Variants in PIK3R5 observed in about 807,000 individuals in gnomAD.
PIK3R5 encodes phosphoinositide 3-kinase regulatory subunit 5.
Under a neutral mutation model 94.9 loss-of-function variants are expected in PIK3R5, and 32 were observed. That is an observed-to-expected ratio of 0.34 (90% confidence interval 0.25 to 0.45). PIK3R5 has a LOEUF of 0.45. Ranked by LOEUF, PIK3R5 falls within the 20% of genes least tolerant of loss-of-function variation. The probability of loss-of-function intolerance (pLI) is 1.00; values close to 1 mark genes in which losing one functional copy is unlikely to be tolerated. For synonymous variants in PIK3R5, 443 were observed against 479.4 expected (o/e 0.92, Z 0.99); for missense variants, 853 against 1,144.6 (o/e 0.75, Z 3.68).
rs3138608 is a variant in PIK3R5, at chr17:8,908,530, A to AACACACACACACAC, written c.204+530_204+543dup. On this transcript the variant is annotated intron_variant, in intron 3 of 18. Transcript: ENST00000447110. ...AATCACATGTATTTAAAATAATTAA[A>AACACACACACACAC]ACACACACACACACACACACACACA... Among the ~76,000 whole-genome samples the AACACACACACACAC allele has an allele frequency of 9.3e-4, 127 of 136,678 alleles. 1 individual carries two copies. The highest frequency in any genetic ancestry group is 2.5e-3 in the African/African-American group (89 of 35,988). 89.7% of individuals were successfully genotyped at this position (136,678 alleles called of 152,430 possible).
At chr17:8,944,100 T>A (rs1351183953) in intron 1 of PIK3R5, among the ~76,000 whole-genome samples, 1 of 152,168 alleles carries the variant, frequency 6.6e-6, no homozygotes, top group Non-Finnish European at 1.5e-5. Context: ...TGTCCATGAG[T>A]TCTCATCATT....
Position 8,888,517 on chromosome 17 carries a change from T to G in PIK3R5, c.1270A>C (p.Ile424Leu). Reference sequence around the variant, plus strand: ...CTGGTGCTCTTGAAGAGTTTATAGATCCTGATGAACTTCTGCCCAGGCCTG... The same window carrying G: ...CTGGTGCTCTTGAAGAGTTTATAGAGCCTGATGAACTTCTGCCCAGGCCTG... Reference protein sequence around the residue: ...HRRPGQKFIRIYKLFKSTSQL... With the variant: ...HRRPGQKFIRLYKLFKSTSQL... Residue 424 changes from isoleucine to leucine, a missense_variant, in exon 10 of 19, where the codon ATC (isoleucine) becomes CTC (leucine). Ile to Leu is a conservative substitution (Grantham distance 5). This residue lies in a region of PIK3R5 where 319 missense variants were observed against 339.8 expected (regional missense o/e 0.94). Coordinates refer to ENST00000447110, the MANE Select transcript of PIK3R5 (RefSeq NM_001142633.3). The surrounding 1 kb of genome is among the most constrained non-coding windows in gnomAD (Gnocchi z 7.8). 1 of 1,611,054 alleles carries G rather than the reference T, an allele frequency of 6.2e-7. No homozygotes were observed.
At chr17:8,913,166 T>TG (rs1297083018) in intron 1 of PIK3R5, among the ~76,000 whole-genome samples, 1 of 151,934 alleles carries the variant, frequency 6.6e-6, no homozygotes, top group Non-Finnish European at 1.5e-5. Context: ...TCCAGGGTGT[T>TG]GGGGGGTCAG....
chr17:8,881,797 C>T lies in PIK3R5; in HGVS notation c.2290G>A (p.Glu764Lys). 1 of 1,614,166 alleles carries T rather than the reference C, an allele frequency of 6.2e-7. No individual in the cohort carries two copies. Among genetic ancestry groups the T allele is most frequent in the Non-Finnish European group, 8.5e-7 (1 of 1,180,002 alleles). Residue 764 changes from glutamate (E) to lysine (K), a missense_variant, in exon 16 of 19, where the codon GAG becomes AAG. Coordinates refer to ENST00000447110, the MANE Select transcript of PIK3R5 (RefSeq NM_001142633.3). This position sits in a 1 kb window ranked among gnomAD's most constrained non-coding sequence, Gnocchi z 4.8. Reference sequence around the variant, plus strand: ...TGACCACCCCACTCACCCAGCTCCTCCTGCTTCCGGCAGGCCTTGTTGAGG... The same window carrying T: ...TGACCACCCCACTCACCCAGCTCCTTCTGCTTCCGGCAGGCCTTGTTGAGG... ...VNLNKACRKQ[E>K]ELDSSMEALT... is the part of the protein sequence containing the mutation.
At chr17:8,926,517 G>A (rs1221783819) in intron 1 of PIK3R5, among the ~76,000 whole-genome samples, 2 of 152,186 alleles carry the variant, frequency 1.3e-5, no homozygotes, top group East Asian at 3.8e-4. Context: ...GGAGGCCTCA[G>A]AATCATAGCA....
rs1187774531 is a variant in PIK3R5, at chr17:8,956,480, T to C, written c.-14+9116A>G. 3.3e-5 allele frequency among the ~76,000 whole-genome samples: 5 copies of C among 152,180 alleles called. No individual in the cohort carries two copies. The East Asian group carries it at 7.7e-4, about 23-fold the overall frequency. ...AGAGCAGGCTTTGAAAACTCCCAGGTGGTCAGAATCATAGAGTCCAGTTGG... is the reference window on the plus strand; with the variant it reads ...AGAGCAGGCTTTGAAAACTCCCAGGCGGTCAGAATCATAGAGTCCAGTTGG... On this transcript the variant is annotated intron_variant, in intron 1 of 18. Coordinates refer to ENST00000447110, the MANE Select transcript of PIK3R5 (RefSeq NM_001142633.3).
intron 11 of PIK3R5, 41 bp downstream of exon 11, chr17:8,887,480 A>T (rs767487513): frequency 1.3e-6 from 2 of 1,566,104 alleles, no homozygotes; most frequent in Non-Finnish European, 1.7e-6. Context: ...GGTAGCCAGA[A>T]CTCTACTTTC....
chr17:8,924,813 C>G (rs1307044535), intron 1 of PIK3R5, among the ~76,000 whole-genome samples: 1 of 152,188 alleles, frequency 6.6e-6, no homozygotes, highest in Admixed American at 6.5e-5. Flanking sequence ...GAACTGAAAT[C>G]AGACACTCCT....
chr17:8,931,289 A>G (rs1479908734), intron 1 of PIK3R5, among the ~76,000 whole-genome samples: 1 of 152,208 alleles, frequency 6.6e-6, no homozygotes, highest in Non-Finnish European at 1.5e-5. Context: ...AAGAGGTGAT[A>G]TTCGAGAGTC....
intron 1 of PIK3R5, among the ~76,000 whole-genome samples, chr17:8,915,478 A>G (rs992023853): frequency 2.6e-5 from 4 of 151,848 alleles, no homozygotes; most frequent in Admixed American, 1.3e-4. Flanking sequence ...CACCACATCT[A>G]TCTACACCAG....
intron 1 of PIK3R5, among the ~76,000 whole-genome samples, chr17:8,937,613 G>A (rs187930185): frequency 2.0e-5 from 3 of 152,060 alleles, no homozygotes; most frequent in Non-Finnish European, 4.4e-5. Flanking sequence ...TTCTTTTCGT[G>A]TATCGTTGGA....
Position 8,911,451 on chromosome 17 carries a change from T to C in PIK3R5, c.44A>G (p.His15Arg). ...ATTCTEDRIQHALERCLHGLS... is the reference protein window; with the variant it reads ...ATTCTEDRIQRALERCLHGLS... ...TCCATGCAGGCAGCGTTCCAGGGCA[T>C]GCTGGATGCGGTCCTCCGTGCATGT... Residue 15 changes from histidine (H) to arginine (R), a missense_variant, in exon 2 of 19, where the codon CAT (histidine) becomes CGT (arginine). His to Arg is a conservative substitution (Grantham distance 29). Transcript: ENST00000447110. The surrounding 1 kb of genome is among the most constrained non-coding windows in gnomAD (Gnocchi z 5.3). The C allele has an allele frequency of 1.2e-6, 2 of 1,600,020 alleles. No individual in the cohort carries two copies. Among genetic ancestry groups the C allele is most frequent in the Non-Finnish European group, 1.7e-6 (2 of 1,179,930 alleles).
At chr17:8,900,803 T>C (rs2090263500) in intron 5 of PIK3R5, among the ~76,000 whole-genome samples, 1 of 152,110 alleles carries the variant, frequency 6.6e-6, no homozygotes, top group Admixed American at 6.6e-5. Flanking sequence ...ACGGAGTTTC[T>C]ACCCAGCCGC....
chr17:8,925,920 A>G lies in PIK3R5; in HGVS notation c.-13-14413T>C, dbSNP rs1191594317. ...CGAGTTCTATCCCCTTCAGACCCCA[A>G]TGGAGAGGTCTGGGCTACAGCTCTC... On this transcript the variant is annotated intron_variant, in intron 1 of 18. Transcript: ENST00000447110. This position sits in a 1 kb window ranked among gnomAD's most constrained non-coding sequence, Gnocchi z 5.1. 2.6e-5 allele frequency among the ~76,000 whole-genome samples: 4 copies of G among 152,206 alleles called. No homozygotes were observed. Among genetic ancestry groups the G allele is most frequent in the South Asian group, 2.1e-4 (1 of 4,832 alleles).
intron 12 of PIK3R5, among the ~76,000 whole-genome samples, 197 bp downstream of exon 12, chr17:8,886,899 A>G (rs1372832644): frequency 6.6e-6 from 1 of 152,172 alleles, no homozygotes; most frequent in Non-Finnish European, 1.5e-5. Context: ...CCATCACTGC[A>G]GTGACCCCAG....
At position 8,911,265 on chromosome 17, in the gene PIK3R5, C is replaced by G. The variant is rs2090518353; in HGVS notation, c.103+127G>C. On this transcript the variant is annotated intron_variant, in intron 2 of 18. Coordinates refer to ENST00000447110, the MANE Select transcript of PIK3R5 (RefSeq NM_001142633.3). The surrounding 1 kb of genome is among the most constrained non-coding windows in gnomAD (Gnocchi z 5.3). ...GCACCTGCCCAGGAGAAGGCTGAGG[C>G]TTGCCCAAGTCACACAGACAGGGTT... is the stretch of plus-strand genomic sequence containing the variant. 4.2e-6 allele frequency: 3 copies of G among 715,088 alleles called. No individual in the cohort carries two copies. The highest frequency in any genetic ancestry group is 4.8e-6 in the Non-Finnish European group (2 of 416,346). 44.3% of individuals were successfully genotyped at this position (715,088 alleles called of 1,614,324 possible).
Position 8,888,476 on chromosome 17 carries a change from C to T in PIK3R5, c.1311G>A (p.Arg437=), listed in dbSNP as rs144116430. ...TGCCCTCCAGGCTCCGAGAGTCCCT[C>T]CGCAGTACCAGCTGGCTGGTGCTCT... ...LFKSTSQLVL[R]RDSRSLEGSS... Residue 437 remains arginine, a synonymous_variant, in exon 10 of 19, where the codon CGG becomes CGA. Coordinates refer to ENST00000447110, the MANE Select transcript of PIK3R5 (RefSeq NM_001142633.3). This position sits in a 1 kb window ranked among gnomAD's most constrained non-coding sequence, Gnocchi z 7.8. The T allele has an allele frequency of 6.2e-7, 1 of 1,603,776 alleles. No individual in the cohort carries two copies. Among genetic ancestry groups the T allele is most frequent in the Non-Finnish European group, 8.5e-7 (1 of 1,176,044 alleles).
rs912760403 is a variant in PIK3R5 at position 8,881,408 on chromosome 17, G to A, written c.2382+222C>T. On this transcript the variant is annotated intron_variant, in intron 17 of 18. Coordinates refer to ENST00000447110, the MANE Select transcript of PIK3R5 (RefSeq NM_001142633.3). This position sits in a 1 kb window ranked among gnomAD's most constrained non-coding sequence, Gnocchi z 4.8. ...GGCACCCCTACCTCCCCGACACCCC[G>A]CAACACTCCACACCTGTGTGCATCC... Among the ~76,000 whole-genome samples, 8 of 150,166 alleles carry A rather than the reference G, an allele frequency of 5.3e-5. No homozygotes were observed. The highest frequency in any genetic ancestry group is 1.3e-4 in the Admixed American group (2 of 15,104).
intron 1 of PIK3R5, among the ~76,000 whole-genome samples, chr17:8,957,706 G>T (rs888766266): frequency 3.3e-5 from 5 of 152,182 alleles, no homozygotes; most frequent in Admixed American, 1.3e-4. Context: ...TGGAAGCCAA[G>T]AATCAAAGAT....
Sources: allele counts gnomAD v4.1 joint callset (sites outside exome capture counted in the v4.1 genomes callset), GRCh38; gene constraint gnomAD v4.1.1; regional missense constraint gnomAD v4.1.1; non-coding constraint Gnocchi (gnomAD v3.1); transcripts MANE v1.5; gene names NCBI Gene and HGNC (gene_info 2026-07-23, HGNC 2026-07-21).